The following TBCE variants were observed in gnomAD, a reference collection of about 807,000 sequenced individuals.
The protein encoded by TBCE is tubulin-specific chaperone E.
In TBCE, 53 loss-of-function variants were observed where a neutral mutation model predicts 77.0. The ratio of observed to expected loss-of-function variants is 0.69; its 90% CI spans 0.55 to 0.87. The LOEUF is 0.87. Ranked by LOEUF, TBCE falls within the 40% of genes least tolerant of loss-of-function variation. The pLI, the probability that TBCE is intolerant of heterozygous loss-of-function variation, is 0.00. For synonymous variants in TBCE, 235 were observed against 241.3 expected (o/e 0.97, Z 0.24); for missense variants, 624 against 622.4 (o/e 1.00, Z -0.03).
chr1:235,378,677 T>G lies in TBCE; in HGVS notation c.-31-1342T>G, dbSNP rs138344190. On this transcript the variant is annotated intron_variant, in intron 1 of 16. Coordinates refer to ENST00000642610, the MANE Select transcript of TBCE (RefSeq NM_003193.5). ...GCCTGGCCAACATGGTGAAACACCATCTCTACTAAAAATTCAAAAATTAGC... is the reference window on the plus strand; with the variant it reads ...GCCTGGCCAACATGGTGAAACACCAGCTCTACTAAAAATTCAAAAATTAGC... Among the ~76,000 whole-genome samples, 6 of 152,196 alleles carry G rather than the reference T, an allele frequency of 3.9e-5. No homozygotes were observed. In the East Asian group the frequency reaches 1.2e-3, roughly 29 times the overall value.
Position 235,400,408 on chromosome 1 carries a change from C to CTTTTTTT in TBCE, c.101-1091_101-1085dup, listed in dbSNP as rs71174425. On this transcript the variant is annotated intron_variant, in intron 2 of 16. Coordinates refer to ENST00000642610, the MANE Select transcript of TBCE (RefSeq NM_003193.5). ...ATTGAAGGAAAAAATTATTTTTCCT[C>CTTTTTTT]TTTTTTTTTTGAGATGGAGTCTCGC... Among the ~76,000 whole-genome samples, 18 of 106,020 alleles carry CTTTTTTT rather than the reference C, an allele frequency of 1.7e-4. 3 individuals carry two copies. Among genetic ancestry groups the CTTTTTTT allele is most frequent in the African/African-American group, 2.6e-4 (6 of 23,454 alleles). 69.6% of individuals were successfully genotyped at this position (106,020 alleles called of 152,430 possible). A position where few individuals can be genotyped will look rare whatever the true frequency, so the allele number is the denominator to read the frequency against.
intron 1 of TBCE, among the ~76,000 whole-genome samples, chr1:235,375,045 C>G (rs919244742): frequency 7.4e-5 from 11 of 148,552 alleles, no homozygotes; most frequent in South Asian, 4.3e-4. Context: ...CTCAGCCTCC[C>G]GAGTAGCTGG....
chr1:235,438,971 A>G (rs775095506), intron 13 of TBCE, 49 bp downstream of exon 13: 33 of 1,613,642 alleles, frequency 2.0e-5, no homozygotes, highest in Non-Finnish European at 2.3e-5. Flanking sequence ...TTCCAGCTGG[A>G]ACAAAGTTTT....
intron 4 of TBCE, among the ~76,000 whole-genome samples, chr1:235,416,348 C>CA (rs970767952): frequency 3.3e-5 from 5 of 151,022 alleles, no homozygotes; most frequent in Admixed American, 6.6e-5. Context: ...CCTGTCTCTA[C>CA]AAAAAAAATA....
chr1:235,400,219 C>T (rs144139120), intron 2 of TBCE, among the ~76,000 whole-genome samples: 3 of 151,864 alleles, frequency 2.0e-5, no homozygotes, highest in East Asian at 1.9e-4. Flanking sequence ...ATTTTAAACC[C>T]GAAGAACTGA....
At chr1:235,439,403 G>A (rs1277826116) in intron 13 of TBCE, among the ~76,000 whole-genome samples, 3 of 151,300 alleles carry the variant, frequency 2.0e-5, no homozygotes, top group Non-Finnish European at 4.4e-5. Context: ...GGCTGAGGCA[G>A]GAGAATGGTG....
At position 235,450,210 on chromosome 1, in the gene TBCE, C is replaced by T; in HGVS notation, c.*1448C>T. On this transcript the variant is annotated 3_prime_UTR_variant, in exon 17 of 17. Transcript: ENST00000642610. Reference sequence around the variant, plus strand: ...CTCTGCTAATTCAAGTCCCTGTTATCTTGCTTGACATCGACAAGGATCACC... The same window carrying T: ...CTCTGCTAATTCAAGTCCCTGTTATTTTGCTTGACATCGACAAGGATCACC... 1 of 1,614,136 alleles carries T rather than the reference C, an allele frequency of 6.2e-7. No individual in the cohort carries two copies. Among genetic ancestry groups the T allele is most frequent in the South Asian group, 1.1e-5 (1 of 91,080 alleles).
chr1:235,421,308 G>C (rs572226717), intron 5 of TBCE, among the ~76,000 whole-genome samples: 10 of 152,152 alleles, frequency 6.6e-5, no homozygotes, highest in Admixed American at 1.3e-4. Flanking sequence ...TCAGCTACTC[G>C]GGAGGCTGAG....
intron 2 of TBCE, among the ~76,000 whole-genome samples, chr1:235,399,855 T>C (rs1273118583): frequency 6.6e-6 from 1 of 152,114 alleles, no homozygotes; most frequent in Non-Finnish European, 1.5e-5. Context: ...AGTGTCAGAA[T>C]TGAATTGGCG....
intron 2 of TBCE, among the ~76,000 whole-genome samples, chr1:235,387,819 G>T (rs374881600): frequency 6.6e-6 from 1 of 152,122 alleles, no homozygotes; most frequent in Non-Finnish European, 1.5e-5. Flanking sequence ...CTTGGATCTC[G>T]TGCAAGAAAG....
chr1:235,381,685 C>CAA (rs574997840), intron 2 of TBCE, among the ~76,000 whole-genome samples: 6 of 43,184 alleles, frequency 1.4e-4, no homozygotes, highest in Non-Finnish European at 2.3e-4. Flanking sequence ...ACTCCTTCTC[C>CAA]AAAAAAAAAA....
intron 2 of TBCE, among the ~76,000 whole-genome samples, chr1:235,394,126 G>A (rs1434412413): frequency 6.6e-6 from 1 of 152,036 alleles, no homozygotes; most frequent in African/African-American, 2.4e-5. Context: ...TCAGGCTGGA[G>A]TGCAGTGGTG....
rs774422061 is a variant in TBCE at position 235,427,185 on chromosome 1, A to G, written c.506A>G (p.Asp169Gly). 1.9e-6 allele frequency: 3 copies of G among 1,614,082 alleles called. 1 individual carries two copies. The South Asian group carries it at 3.3e-5, about 18-fold the overall frequency. The stretch of plus-strand genomic sequence containing the variant: ...TCAAAAAACCTGTTGTCATCATGGG[A>G]TGAAGTGATACACATTGCTGATCAG... Reference protein sequence around the residue: ...DLSKNLLSSWDEVIHIADQLR... With the variant: ...DLSKNLLSSWGEVIHIADQLR... Residue 169 changes from aspartate to glycine, a missense_variant, in exon 6 of 17, where the codon GAT becomes GGT. Transcript: ENST00000642610.
At chr1:235,382,928 C>A (rs1265043701) in intron 2 of TBCE, among the ~76,000 whole-genome samples, 1 of 150,526 alleles carries the variant, frequency 6.6e-6, no homozygotes, top group Non-Finnish European at 1.5e-5. Flanking sequence ...AGGTTTTCTT[C>A]TAGGGTTTTT....
intron 2 of TBCE, among the ~76,000 whole-genome samples, chr1:235,392,558 C>T (rs921356920): frequency 6.6e-6 from 1 of 151,192 alleles, no homozygotes; most frequent in Non-Finnish European, 1.5e-5. Flanking sequence ...TTACAGGCAC[C>T]CCCCTCCATG....
intron 4 of TBCE, chr1:235,415,591 A>G (rs1252617817): frequency 6.6e-6 from 1 of 152,166 alleles, no homozygotes; most frequent in Non-Finnish European, 1.5e-5. Context: ...AAAAGAATTA[A>G]GCTATAGTTC....
At chr1:235,401,097 G>A (rs4659836) in intron 2 of TBCE, among the ~76,000 whole-genome samples, 109,101 of 151,728 alleles carry the variant, frequency 0.72, 40,050 homozygotes, top group African/African-American at 0.87. Context: ...AAATTGTGGT[G>A]AAATATACGT....
At position 235,414,693 on chromosome 1, in the gene TBCE, T is replaced by C; in HGVS notation, c.371+75T>C. 6.3e-6 allele frequency: 9 copies of C among 1,428,394 alleles called. No individual in the cohort carries two copies. The Middle Eastern group carries it at 5.6e-4, about 89-fold the overall frequency. The allele number at this position is 1,428,394 out of a possible 1,614,324, so 88.5% of individuals were successfully genotyped here. A position where few individuals can be genotyped will look rare whatever the true frequency, so the allele number is the denominator to read the frequency against. On this transcript the variant is annotated intron_variant, in intron 4 of 16. Coordinates refer to ENST00000642610, the MANE Select transcript of TBCE (RefSeq NM_003193.5). ...TTCAGAATTGAAATACCCATGACTG[T>C]ATATGGATGCTCATGACTTTGCTCC...
At chr1:235,419,637 C>G in intron 5 of TBCE, 76 bp downstream of exon 5, 1 of 1,587,950 alleles carries the variant, frequency 6.3e-7, no homozygotes, top group East Asian at 2.2e-5. Flanking sequence ...TGCTAATTGC[C>G]TACCCATTGT....
Sources: allele counts gnomAD v4.1 joint callset (sites outside exome capture counted in the v4.1 genomes callset), GRCh38; gene constraint gnomAD v4.1.1; transcripts MANE v1.5; gene names NCBI Gene and HGNC (gene_info 2026-07-23, HGNC 2026-07-21).